The following ALK variants were observed in gnomAD, a reference collection of about 807,000 sequenced individuals.
The protein encoded by ALK is ALK receptor tyrosine kinase.
In ALK, 74 loss-of-function variants were observed where a neutral mutation model predicts 163.1. The observed-to-expected ratio is 0.45, with a 90% confidence interval of 0.38 to 0.55. The LOEUF (loss-of-function observed/expected upper bound fraction) is 0.55, where lower values mean the gene tolerates loss of function less well. Ranked by LOEUF, ALK falls within the 20% of genes least tolerant of loss-of-function variation. The pLI is 0.00. For synonymous variants in ALK, 960 were observed against 843.2 expected, an observed-to-expected ratio of 1.14 and a Z score of -2.40; for missense variants, 2,063 against 2,105.3, an observed-to-expected ratio of 0.98 and a Z score of 0.39.
At chr2:29,264,466 G>T (rs553310480) in intron 11 of ALK, among the ~76,000 whole-genome samples, 15 of 152,120 alleles carry the variant, frequency 9.9e-5, no homozygotes, top group Non-Finnish European at 1.8e-4. Flanking sequence ...TATTTTCACG[G>T]CATATCACTT....
chr2:29,699,761 T>C (rs1181442676), intron 2 of ALK, among the ~76,000 whole-genome samples: 1 of 152,234 alleles, frequency 6.6e-6, no homozygotes, highest in Admixed American at 6.5e-5. Context: ...AAAGACACAC[T>C]TTCCAGGACC....
intron 4 of ALK, among the ~76,000 whole-genome samples, chr2:29,527,614 C>T (rs1672990079): frequency 6.6e-6 from 1 of 152,128 alleles, no homozygotes; most frequent in African/African-American, 2.4e-5. Context: ...CTCAAGCAAG[C>T]CTCCTGCCTC....
At chr2:29,349,061 C>T (rs553530424) in intron 5 of ALK, among the ~76,000 whole-genome samples, 273 of 68,962 alleles carry the variant, frequency 4.0e-3, no homozygotes, top group Non-Finnish European at 5.2e-3. Context: ...GAATTACTGT[C>T]CATCAAGTTC....
At position 29,461,768 on chromosome 2, in the gene ALK, T is replaced by C. The variant is rs116450585; in HGVS notation, c.1154+70147A>G. On this transcript the variant is annotated intron_variant, in intron 4 of 28. Coordinates refer to ENST00000389048, the MANE Select transcript of ALK (RefSeq NM_004304.5). The stretch of plus-strand genomic sequence containing the variant: ...CAACATCCATTTTGCAGCCCATTGA[T>C]CACGAAGTAATTTCAACTTTCAGTC... 5.6e-3 allele frequency among the ~76,000 whole-genome samples: 846 copies of C among 152,264 alleles called. 7 individuals are homozygous for C. The highest frequency in any genetic ancestry group is 0.019 in the African/African-American group (803 of 41,546).
intron 1 of ALK, among the ~76,000 whole-genome samples, chr2:29,860,034 G>A (rs954972597): frequency 6.6e-6 from 1 of 152,106 alleles, no homozygotes; most frequent in African/African-American, 2.4e-5. Context: ...GAACAGCAGT[G>A]GCCCATGAGA....
chr2:29,499,746 T>G (rs1443289304), intron 4 of ALK, among the ~76,000 whole-genome samples: 2 of 151,990 alleles, frequency 1.3e-5, no homozygotes, highest in African/African-American at 4.8e-5. Context: ...TGCATGGAGT[T>G]CCCTCTGCTG....
Position 29,227,435 on chromosome 2 carries a change from T to A in ALK, c.2914+139A>T, listed in dbSNP as rs1393007760. 12 of 814,692 alleles carry A rather than the reference T, an allele frequency of 1.5e-5. No individual in the cohort carries two copies. Among genetic ancestry groups the A allele is most frequent in the Non-Finnish European group, 2.1e-5 (10 of 465,676 alleles). 50.5% of individuals were successfully genotyped at this position (814,692 alleles called of 1,614,324 possible). On this transcript the variant is annotated intron_variant, in intron 17 of 28. Transcript: ENST00000389048. The surrounding 1 kb of genome is among the most constrained non-coding windows in gnomAD (Gnocchi z 4.4). The stretch of plus-strand genomic sequence containing the variant: ...CTGACTTCTGGAAAATGTGGTGACC[T>A]GCGCCATAGGAAGCTTGCCTGCCAG...
intron 2 of ALK, among the ~76,000 whole-genome samples, chr2:29,710,069 C>G (rs180789043): frequency 1.3e-5 from 2 of 152,232 alleles, no homozygotes; most frequent in Non-Finnish European, 2.9e-5. Context: ...GCAGGTCTTC[C>G]GCATGTTGTT....
At chr2:29,778,990 C>T (rs1258009437) in intron 1 of ALK, among the ~76,000 whole-genome samples, 1 of 151,650 alleles carries the variant, frequency 6.6e-6, no homozygotes, top group East Asian at 1.9e-4. Context: ...CCGGTCTCTA[C>T]TAAAAAATAC....
chr2:29,808,039 A>T (rs574747854), intron 1 of ALK, among the ~76,000 whole-genome samples: 39 of 152,302 alleles, frequency 2.6e-4, no homozygotes, highest in African/African-American at 7.9e-4. Flanking sequence ...TCTATCAAGG[A>T]TCTAATCTCA....
At chr2:29,270,179 A>G (rs946608672) in intron 11 of ALK, among the ~76,000 whole-genome samples, 3 of 152,230 alleles carry the variant, frequency 2.0e-5, no homozygotes, top group Admixed American at 1.3e-4. Context: ...CAATAATGGG[A>G]TTCCTAAAAG....
At chr2:29,819,427 T>C (rs2148377452) in intron 1 of ALK, among the ~76,000 whole-genome samples, 1 of 152,342 alleles carries the variant, frequency 6.6e-6, no homozygotes, top group Non-Finnish European at 1.5e-5. Context: ...CACAGGATTC[T>C]TGTGTGAAGC....
chr2:29,747,917 A>G (rs1386683959), intron 1 of ALK, among the ~76,000 whole-genome samples: 1 of 152,212 alleles, frequency 6.6e-6, no homozygotes, highest in Non-Finnish European at 1.5e-5. Flanking sequence ...ACTAAGGTAT[A>G]AAGGACAGTG....
At chr2:29,465,171 G>C (rs769691879) in intron 4 of ALK, among the ~76,000 whole-genome samples, 2 of 151,958 alleles carry the variant, frequency 1.3e-5, no homozygotes, top group Non-Finnish European at 2.9e-5. Flanking sequence ...AAAATCTTAA[G>C]GTACCTAAAC....
intron 8 of ALK, among the ~76,000 whole-genome samples, chr2:29,301,385 G>T (rs6742000): frequency 0.1 from 15,581 of 152,194 alleles, 826 homozygotes; most frequent in Non-Finnish European, 0.12. Flanking sequence ...TCAAGGCAGG[G>T]ACTGTCTTAT....
At chr2:29,852,849 T>G (rs930225795) in intron 1 of ALK, among the ~76,000 whole-genome samples, 42 of 150,940 alleles carry the variant, frequency 2.8e-4, no homozygotes, top group Admixed American at 6.6e-4. Flanking sequence ...TCTCTCTCTC[T>G]CTCTCTCTCT....
At chr2:29,327,299 C>T (rs1232052591) in intron 6 of ALK, among the ~76,000 whole-genome samples, 1 of 152,170 alleles carries the variant, frequency 6.6e-6, no homozygotes, top group Non-Finnish European at 1.5e-5. Context: ...AGCACAGACG[C>T]TGTGCCAGGA....
At chr2:29,453,371 C>T (rs570210402) in intron 4 of ALK, among the ~76,000 whole-genome samples, 16 of 152,020 alleles carry the variant, frequency 1.1e-4, no homozygotes, top group Middle Eastern at 3.2e-3. Context: ...GCTGGGACTA[C>T]AAGTGTGCAC....
intron 4 of ALK, among the ~76,000 whole-genome samples, chr2:29,473,924 A>C (rs1218119603): frequency 6.6e-6 from 1 of 152,130 alleles, no homozygotes; most frequent in Non-Finnish European, 1.5e-5. Context: ...AACGAACAAA[A>C]AATGGACCCT....
Sources: allele counts gnomAD v4.1 joint callset (sites outside exome capture counted in the v4.1 genomes callset), GRCh38; gene constraint gnomAD v4.1.1; non-coding constraint Gnocchi (gnomAD v3.1); transcripts MANE v1.5; gene names NCBI Gene and HGNC (gene_info 2026-07-23, HGNC 2026-07-21).